BLTP3B: variants seen among roughly 807,000 people sequenced by gnomAD.
The protein encoded by BLTP3B is bridge-like lipid transfer protein family member 3B.
the BLTP3B span, chr12:100,039,476 G>T: frequency 9.4e-7 from 1 of 1,059,310 alleles, no homozygotes; most frequent in Non-Finnish European, 1.3e-6. Context: ...AAGCACCTGG[G>T]CACAATAACA....
chr12:100,072,644 G>T, the BLTP3B span: 2 of 1,446,162 alleles, frequency 1.4e-6, no homozygotes, highest in Middle Eastern at 2.0e-4. Context: ...TCAAATAATG[G>T]ACAAATAATA....
the BLTP3B span, among the ~76,000 whole-genome samples, chr12:100,139,513 A>G: frequency 6.6e-6 from 1 of 152,172 alleles, no homozygotes; most frequent in South Asian, 2.1e-4. Flanking sequence ...CCCCTGTAAG[A>G]ACTAGGTCAT....
chr12:100,122,766 C>T, the BLTP3B span, among the ~76,000 whole-genome samples: 1 of 152,140 alleles, frequency 6.6e-6, no homozygotes, highest in Non-Finnish European at 1.5e-5. Flanking sequence ...GAAAACTCTT[C>T]AAGAACCCTC....
chr12:100,046,428 G>A, the BLTP3B span, among the ~76,000 whole-genome samples: 3 of 152,106 alleles, frequency 2.0e-5, no homozygotes, highest in Non-Finnish European at 4.4e-5. Context: ...CCTTTGCAGG[G>A]ACATGGATGA....
chr12:100,054,015 T>C, the BLTP3B span, among the ~76,000 whole-genome samples: 52,961 of 152,024 alleles, frequency 0.35, 12,503 homozygotes, highest in African/African-American at 0.67. Flanking sequence ...ACACAAAGTC[T>C]ACACTTTTTA....
chr12:100,140,136 A>G, the BLTP3B span, among the ~76,000 whole-genome samples: 5 of 152,242 alleles, frequency 3.3e-5, no homozygotes, highest in African/African-American at 1.2e-4. Flanking sequence ...CTGAGTAACT[A>G]TAATTTATCA....
the BLTP3B span, among the ~76,000 whole-genome samples, chr12:100,113,639 CTCAG>C: frequency 2.0e-5 from 3 of 151,714 alleles, no homozygotes; most frequent in African/African-American, 7.3e-5. Context: ...TGAGTAATAA[CTCAG>C]TAAGTGTTCA....
chr12:100,112,607 C>G, the BLTP3B span, among the ~76,000 whole-genome samples: 1 of 152,120 alleles, frequency 6.6e-6, no homozygotes, highest in Admixed American at 6.6e-5. Context: ...ACAATCAATA[C>G]ACCATTATTA....
chr12:100,131,310 CAA>C, the BLTP3B span, among the ~76,000 whole-genome samples: 7 of 105,912 alleles, frequency 6.6e-5, no homozygotes, highest in East Asian at 2.5e-4. Context: ...GACCCTGTCT[CAA>C]AAAAAAAAAA....
At chr12:100,129,616 C>T in the BLTP3B span, among the ~76,000 whole-genome samples, 1 of 152,104 alleles carries the variant, frequency 6.6e-6, no homozygotes, top group African/African-American at 2.4e-5. Context: ...ACAGGATATG[C>T]TTTAAGACCT....
At chr12:100,108,602 A>G in the BLTP3B span, 2 of 1,464,542 alleles carry the variant, frequency 1.4e-6, no homozygotes, top group Non-Finnish European at 1.8e-6. Context: ...TATACTCCAG[A>G]GTCATTTTTT....
the BLTP3B span, among the ~76,000 whole-genome samples, chr12:100,038,868 C>T: frequency 2.6e-5 from 4 of 152,196 alleles, no homozygotes; most frequent in African/African-American, 7.2e-5. Context: ...TCTCAAACTT[C>T]TTCTAAATCT....
chr12:100,060,335 C>T, the BLTP3B span, among the ~76,000 whole-genome samples: 4 of 152,056 alleles, frequency 2.6e-5, no homozygotes, highest in Non-Finnish European at 5.9e-5. Context: ...CTAAAACTAA[C>T]TGCATAAAAC....
At chr12:100,136,500 C>T in the BLTP3B span, among the ~76,000 whole-genome samples, 1 of 152,056 alleles carries the variant, frequency 6.6e-6, no homozygotes, top group Non-Finnish European at 1.5e-5. Flanking sequence ...ATCTCTAATG[C>T]CCACTATGTG....
At chr12:100,120,056 T>A in the BLTP3B span, among the ~76,000 whole-genome samples, 1 of 152,234 alleles carries the variant, frequency 6.6e-6, no homozygotes, top group African/African-American at 2.4e-5. Flanking sequence ...TTTAAATTCT[T>A]ACAACTTGAA....
the BLTP3B span, among the ~76,000 whole-genome samples, chr12:100,099,844 C>CT: frequency 2.0e-5 from 3 of 151,492 alleles, no homozygotes; most frequent in East Asian, 5.8e-4. Context: ...GGGAGGATCA[C>CT]TTGAGGCCAG....
chr12:100,125,289 C>A, the BLTP3B span, among the ~76,000 whole-genome samples: 2 of 147,372 alleles, frequency 1.4e-5, no homozygotes, highest in African/African-American at 5.1e-5. Context: ...GCCAAGATTG[C>A]GCCACTGCAC....
At chr12:100,081,749 ATTC>A in the BLTP3B span, among the ~76,000 whole-genome samples, 455 of 152,332 alleles carry the variant, frequency 3.0e-3, 2 homozygotes, top group Middle Eastern at 0.01. Context: ...ACATGACTGC[ATTC>A]TTTTCATGGC....
the BLTP3B span, among the ~76,000 whole-genome samples, chr12:100,069,471 T>C: frequency 6.6e-6 from 1 of 152,004 alleles, no homozygotes; most frequent in Non-Finnish European, 1.5e-5. Flanking sequence ...TGTATATATA[T>C]GTATATACAT....
Sources: allele counts gnomAD v4.1 joint callset (sites outside exome capture counted in the v4.1 genomes callset), GRCh38; gene constraint gnomAD v4.1.1; transcripts MANE v1.5; gene names NCBI Gene and HGNC (gene_info 2026-07-23, HGNC 2026-07-21).